Variants in RBFOX1 observed in about 807,000 individuals in gnomAD.
The protein encoded by RBFOX1 is RNA binding protein fox-1 homolog 1.
RBFOX1 carries 8 observed loss-of-function variants against 57.7 expected under a neutral mutation model. The ratio of observed to expected loss-of-function variants is 0.14; its 90% CI spans 0.08 to 0.25. RBFOX1 has a LOEUF of 0.25. Among genes scored for constraint, RBFOX1 ranks in the 10% least tolerant of loss-of-function variants. The pLI, the probability that RBFOX1 is intolerant of heterozygous loss-of-function variation, is 1.00. For missense variants in RBFOX1, 611 were observed against 548.5 expected (o/e 1.11, Z -1.14); for synonymous variants, 326 against 222.4 (o/e 1.47, Z -4.15).
chr16:6,548,859 T>A (rs2096931407), intron 2 of RBFOX1, among the ~76,000 whole-genome samples: 1 of 151,766 alleles, frequency 6.6e-6, no homozygotes, highest in Non-Finnish European at 1.5e-5. Context: ...GTGGATCACT[T>A]GAGGTCAGGA....
At chr16:7,005,180 A>G (rs1230438774) in intron 3 of RBFOX1, among the ~76,000 whole-genome samples, 1 of 148,666 alleles carries the variant, frequency 6.7e-6, no homozygotes, top group African/African-American at 2.6e-5. Flanking sequence ...AAAACTAAAC[A>G]AAATAAACAC....
chr16:7,696,546 A>C (rs1445875239), intron 14 of RBFOX1, among the ~76,000 whole-genome samples: 1 of 146,080 alleles, frequency 6.8e-6, no homozygotes, highest in East Asian at 1.9e-4. Context: ...CTAGAAATTC[A>C]TTTTAGTCGA....
chr16:6,277,947 C>T (rs2075999279), intron 1 of RBFOX1, among the ~76,000 whole-genome samples: 1 of 152,126 alleles, frequency 6.6e-6, no homozygotes, highest in Non-Finnish European at 1.5e-5. Context: ...TTTTACTTGG[C>T]CCGGAGTTTA....
At chr16:5,520,166 T>G (rs1248791893) in intron 2 of RBFOX1, among the ~76,000 whole-genome samples, 1 of 152,204 alleles carries the variant, frequency 6.6e-6, no homozygotes, top group Middle Eastern at 3.4e-3. Flanking sequence ...AAGAGGCTAT[T>G]GTGGCTGGAG....
chr16:7,002,692 T>A (rs975016030), intron 3 of RBFOX1, among the ~76,000 whole-genome samples: 1 of 152,088 alleles, frequency 6.6e-6, no homozygotes, highest in Non-Finnish European at 1.5e-5. Context: ...AGCCTGGTGA[T>A]AGAGTGAGGG....
At chr16:6,237,007 C>A (rs1178653340) in intron 1 of RBFOX1, among the ~76,000 whole-genome samples, 1 of 152,096 alleles carries the variant, frequency 6.6e-6, no homozygotes, top group Admixed American at 6.6e-5. Flanking sequence ...ACTCAGGGGA[C>A]CCTAGCATTA....
intron 4 of RBFOX1, among the ~76,000 whole-genome samples, chr16:7,432,056 A>C (rs1487158435): frequency 6.6e-6 from 1 of 152,198 alleles, no homozygotes; most frequent in Non-Finnish European, 1.5e-5. Flanking sequence ...AGTGGGAAGG[A>C]GGGTGTCACT....
chr16:6,039,236 GGTGTCAAT>G (rs1433422684), intron 1 of RBFOX1, among the ~76,000 whole-genome samples: 7 of 151,418 alleles, frequency 4.6e-5, no homozygotes, highest in African/African-American at 1.7e-4. Context: ...CAGGACAAGA[GGTGTCAAT>G]GTCATGGCCT....
intron 3 of RBFOX1, among the ~76,000 whole-genome samples, chr16:6,923,631 A>G (rs1360729296): frequency 6.6e-6 from 1 of 152,184 alleles, no homozygotes; most frequent in Non-Finnish European, 1.5e-5. Context: ...GTGAATCAGC[A>G]GGGGAGCATG....
chr16:6,696,337 A>G (rs553237505), intron 3 of RBFOX1, among the ~76,000 whole-genome samples: 1 of 152,256 alleles, frequency 6.6e-6, no homozygotes, highest in African/African-American at 2.4e-5. Context: ...TTTGGAAAAA[A>G]AAATTTAGAC....
chr16:6,153,684 C>G (rs1411802580), intron 1 of RBFOX1, among the ~76,000 whole-genome samples: 2 of 152,080 alleles, frequency 1.3e-5, no homozygotes, highest in African/African-American at 4.8e-5. Flanking sequence ...TACAGGTGCC[C>G]ACCACCATGC....
At chr16:5,628,251 A>G (rs542828758) in intron 3 of RBFOX1, among the ~76,000 whole-genome samples, 1 of 152,346 alleles carries the variant, frequency 6.6e-6, no homozygotes, top group African/African-American at 2.4e-5. Context: ...AAAGAATCCA[A>G]GAATTGAAGT....
At chr16:7,628,723 C>G (rs2060463112) in intron 10 of RBFOX1, among the ~76,000 whole-genome samples, 1 of 152,074 alleles carries the variant, frequency 6.6e-6, no homozygotes, top group African/African-American at 2.4e-5. Context: ...AGTGATTCTC[C>G]TGCCTCAGTC....
intron 1 of RBFOX1, among the ~76,000 whole-genome samples, chr16:6,034,336 A>G (rs1264855526): frequency 6.8e-6 from 1 of 146,952 alleles, no homozygotes; most frequent in East Asian, 2.0e-4. Context: ...TTGCGCAAAA[A>G]AAAAAAAAAA....
chr16:7,458,373 T>A (rs1235668015), intron 4 of RBFOX1, among the ~76,000 whole-genome samples: 1 of 152,232 alleles, frequency 6.6e-6, no homozygotes, highest in Non-Finnish European at 1.5e-5. Context: ...TTTCCCATGC[T>A]GTCCTGGAGC....
At chr16:5,860,459 A>C (rs1310752056) in intron 3 of RBFOX1, among the ~76,000 whole-genome samples, 2 of 152,166 alleles carry the variant, frequency 1.3e-5, no homozygotes, top group African/African-American at 4.8e-5. Context: ...TTGGTTCAAG[A>C]AAAGAGTTGA....
intron 3 of RBFOX1, among the ~76,000 whole-genome samples, chr16:5,769,739 G>A (rs868360096): frequency 7.2e-5 from 11 of 152,154 alleles, no homozygotes; most frequent in South Asian, 2.1e-4. Flanking sequence ...TCTACAGTGA[G>A]AGGGTCCTGG....
chr16:7,708,150 G>A (rs542879615), intron 14 of RBFOX1, among the ~76,000 whole-genome samples: 1 of 152,084 alleles, frequency 6.6e-6, no homozygotes, highest in Admixed American at 6.5e-5. Context: ...ACCAACCTGA[G>A]TAACATAGCA....
In RBFOX1 at chr16:6,602,681, A is replaced by G. The variant is rs117028923; in HGVS notation, c.-63-51922A>G. ...ACTCACTGATGCATGGACAGCTCAT[A>G]TGTTCATCTGTGAACTATGTCCAGG... On this transcript the variant is annotated intron_variant, in intron 2 of 15. Coordinates refer to ENST00000550418, the MANE Select transcript of RBFOX1 (RefSeq NM_018723.4). Among the ~76,000 whole-genome samples the G allele has an allele frequency of 6.1e-3, 928 of 152,290 alleles. 10 individuals are homozygous for G. Among genetic ancestry groups the G allele is most frequent in the Non-Finnish European group, 8.5e-3 (577 of 68,008 alleles).
Sources: gnomAD v4.1 joint callset for allele counts (sites outside exome capture counted in the v4.1 genomes callset) on GRCh38, gnomAD v4.1.1 for gene constraint, MANE v1.5 for transcripts, NCBI Gene and HGNC (gene_info 2026-07-23, HGNC 2026-07-21) for gene names.